Variants in BAZ1B observed in about 807,000 individuals in gnomAD.
BAZ1B encodes bromodomain adjacent to zinc finger domain 1B, also known as tyrosine-protein kinase BAZ1B.
A neutral mutation model predicts 153.8 loss-of-function variants in BAZ1B; 22 were observed. That is an observed-to-expected ratio of 0.14 (90% confidence interval 0.10 to 0.20). The LOEUF is 0.20. Among genes scored for constraint, BAZ1B ranks in the 10% least tolerant of loss-of-function variants. BAZ1B has a pLI of 1.00. For missense variants in BAZ1B, 1,325 were observed against 1,799.3 expected, an observed-to-expected ratio of 0.74 and a Z score of 4.77; for synonymous variants, 676 against 633.4, an observed-to-expected ratio of 1.07 and a Z score of -1.01.
intron 12 of BAZ1B, chr7:73,462,454 A>T (rs1405278880): frequency 5.9e-6 from 1 of 170,366 alleles, no homozygotes; most frequent in African/African-American, 2.4e-5. Flanking sequence ...ATACCACTTA[A>T]GGGTCCCTCT....
chr7:73,468,068 C>A (rs1554571448), intron 9 of BAZ1B, among the ~76,000 whole-genome samples: 1 of 152,148 alleles, frequency 6.6e-6, no homozygotes, highest in Non-Finnish European at 1.5e-5. Flanking sequence ...AGGAATTTCT[C>A]TAAAATGAAT....
chr7:73,513,208 C>T (rs1283979627), intron 1 of BAZ1B, among the ~76,000 whole-genome samples: 4 of 152,188 alleles, frequency 2.6e-5, no homozygotes, highest in Non-Finnish European at 5.9e-5. Flanking sequence ...CTGCCTCAAT[C>T]TCCCAAAGTT....
intron 16 of BAZ1B, among the ~76,000 whole-genome samples, chr7:73,446,685 ATGC>A (rs1787849927): frequency 6.6e-6 from 1 of 152,204 alleles, no homozygotes; most frequent in South Asian, 2.1e-4. Flanking sequence ...ATGAGAGTCA[ATGC>A]GGTGAACACA....
chr7:73,442,833 C>T lies in BAZ1B; in HGVS notation c.3991-5G>A, dbSNP rs1787679554. The stretch of plus-strand genomic sequence containing the variant: ...GCTCCGCTTGGTCTGAAGCACCTGG[C>T]AGGAAAGAAAGAACAATGTTATTAC... On this transcript the variant is annotated splice_polypyrimidine_tract_variant and splice_region_variant and intron_variant, in intron 17 of 19. Transcript: ENST00000339594. 1.9e-6 allele frequency: 3 copies of T among 1,609,226 alleles called. No individual in the cohort carries two copies. Among genetic ancestry groups the T allele is most frequent in the African/African-American group, 1.3e-5 (1 of 74,704 alleles).
intron 1 of BAZ1B, among the ~76,000 whole-genome samples, chr7:73,516,712 T>C (rs1554579350): frequency 8.3e-6 from 1 of 121,106 alleles, no homozygotes; most frequent in African/African-American, 3.2e-5. Flanking sequence ...GAGGCGGAGG[T>C]TGCAGTGAGC....
chr7:73,463,110 T>C lies in BAZ1B; in HGVS notation c.3072-11A>G, dbSNP rs1788453616. 1 of 1,595,432 alleles carries C rather than the reference T, an allele frequency of 6.3e-7. No individual in the cohort carries two copies. On this transcript the variant is annotated splice_polypyrimidine_tract_variant and intron_variant, in intron 11 of 19. Coordinates refer to ENST00000339594, the MANE Select transcript of BAZ1B (RefSeq NM_032408.4). ...ATAATGTCCTGGTACCTAGAAGATTTGGGACAAGAGAATGGGGAAAGAAAC... is the reference window on the plus strand; with the variant it reads ...ATAATGTCCTGGTACCTAGAAGATTCGGGACAAGAGAATGGGGAAAGAAAC...
chr7:73,490,607 ATTTT>A (rs34937645), intron 5 of BAZ1B, among the ~76,000 whole-genome samples: 11 of 142,498 alleles, frequency 7.7e-5, no homozygotes, highest in African/African-American at 5.1e-5. Context: ...AAAACTAAGC[ATTTT>A]TTTTTTTTTT....
chr7:73,447,292 T>TTCCTCCTCCTCCTCTTCTTCC lies in BAZ1B; in HGVS notation c.3795_3815dup (p.Glu1267_Glu1273dup). On this transcript the variant is annotated inframe_insertion, in exon 16 of 20. Transcript: ENST00000339594. ...GCAAACCAGCCACCTCATAATCTTC[T>TTCCTCCTCCTCCTCTTCTTCC]TCCTCCTCCTCCTCTTCTTCCTCCT... The TTCCTCCTCCTCCTCTTCTTCC allele has an allele frequency of 6.2e-7, 1 of 1,609,042 alleles. No homozygotes were observed. Among genetic ancestry groups the TTCCTCCTCCTCCTCTTCTTCC allele is most frequent in the Non-Finnish European group, 8.5e-7 (1 of 1,175,310 alleles).
intron 15 of BAZ1B, among the ~76,000 whole-genome samples, chr7:73,448,730 C>T (rs1787925801): frequency 1.3e-5 from 2 of 152,192 alleles, no homozygotes; most frequent in African/African-American, 2.4e-5. Context: ...GAACAACAAA[C>T]GGTCTGTAAC....
At chr7:73,501,636 G>A (rs1298907847) in intron 3 of BAZ1B, among the ~76,000 whole-genome samples, 1 of 152,108 alleles carries the variant, frequency 6.6e-6, no homozygotes, top group Admixed American at 6.6e-5. Context: ...CCAACGTTGA[G>A]AAACCCCGTT....
intron 11 of BAZ1B, chr7:73,464,274 T>C (rs782212934): frequency 2.0e-4 from 97 of 479,602 alleles, no homozygotes; most frequent in Admixed American, 2.6e-4. Context: ...CTGGCTTTGA[T>C]AGAAATAATG....
At chr7:73,453,503 G>A (rs1345464678) in intron 13 of BAZ1B, among the ~76,000 whole-genome samples, 1 of 152,216 alleles carries the variant, frequency 6.6e-6, no homozygotes, top group African/African-American at 2.4e-5. Context: ...AAGGACAGAC[G>A]TGACTCTTGG....
At chr7:73,514,347 A>G (rs782365240) in intron 1 of BAZ1B, among the ~76,000 whole-genome samples, 1 of 152,160 alleles carries the variant, frequency 6.6e-6, no homozygotes, top group Non-Finnish European at 1.5e-5. Context: ...CGTGGCCAAC[A>G]TGGTGAAACC....
At chr7:73,474,447 A>T (rs986224358) in intron 7 of BAZ1B, among the ~76,000 whole-genome samples, 22 of 152,224 alleles carry the variant, frequency 1.4e-4, no homozygotes, top group Non-Finnish European at 3.1e-4. Flanking sequence ...TCAAATTTAA[A>T]AAACTTTTGT....
chr7:73,458,674 CAA>C (rs11385760), intron 13 of BAZ1B, among the ~76,000 whole-genome samples: 9 of 133,832 alleles, frequency 6.7e-5, no homozygotes, highest in Admixed American at 7.6e-5. Context: ...ACTCTTTCTC[CAA>C]AAAAAAAAAA....
chr7:73,506,229 T>C (rs1233589887), intron 3 of BAZ1B, among the ~76,000 whole-genome samples: 1 of 152,194 alleles, frequency 6.6e-6, no homozygotes, highest in Non-Finnish European at 1.5e-5. Context: ...CCGGGCGCAC[T>C]GGCTCATGCC....
chr7:73,471,384 G>T (rs921389372), intron 7 of BAZ1B, among the ~76,000 whole-genome samples: 12 of 152,042 alleles, frequency 7.9e-5, no homozygotes, highest in Non-Finnish European at 1.0e-4. Flanking sequence ...CATTAATTAG[G>T]TTTATTCAGT....
chr7:73,455,660 A>C (rs1554569437), intron 13 of BAZ1B, among the ~76,000 whole-genome samples: 1 of 152,102 alleles, frequency 6.6e-6, no homozygotes, highest in African/African-American at 2.4e-5. Context: ...ACTCGCCTAT[A>C]ATCCCAGGTA....
At chr7:73,504,608 G>A (rs1381576303) in intron 3 of BAZ1B, among the ~76,000 whole-genome samples, 10 of 151,980 alleles carry the variant, frequency 6.6e-5, no homozygotes, top group African/African-American at 1.9e-4. Flanking sequence ...AGCTTGCAAC[G>A]AGCCGAGATC....
Sources: allele counts gnomAD v4.1 joint callset (sites outside exome capture counted in the v4.1 genomes callset), GRCh38; gene constraint gnomAD v4.1.1; transcripts MANE v1.5; gene names NCBI Gene and HGNC (gene_info 2026-07-23, HGNC 2026-07-21).